Variants in SPECC1L observed in about 807,000 individuals in gnomAD.
SPECC1L encodes sperm antigen with calponin homology and coiled-coil domains 1 like.
SPECC1L carries 40 observed loss-of-function variants against 116.8 expected under a neutral mutation model. The observed-to-expected ratio is 0.34, with a 90% CI of 0.27 to 0.45. The LOEUF (loss-of-function observed/expected upper bound fraction) is 0.45. Among genes scored for constraint, SPECC1L ranks in the 20% least tolerant of loss-of-function variants. The pLI, the probability that SPECC1L is intolerant of heterozygous loss-of-function variation, is 1.00. For synonymous variants in SPECC1L, 504 were observed against 500.6 expected, an observed-to-expected ratio of 1.01 and a Z score of -0.09; for missense variants, 1,110 against 1,373.6, an observed-to-expected ratio of 0.81 and a Z score of 3.03.
chr22:24,412,799 G>T, intron 16 of SPECC1L, 92 bp downstream of exon 16: 5 of 1,416,354 alleles, frequency 3.5e-6, no homozygotes, highest in Non-Finnish European at 5.0e-6. Context: ...GTGGGCATGG[G>T]GTAGTGTGGC....
At chr22:24,368,486 G>T (rs151201404) in intron 13 of SPECC1L, among the ~76,000 whole-genome samples, 2 of 152,304 alleles carry the variant, frequency 1.3e-5, no homozygotes, top group East Asian at 3.9e-4. Flanking sequence ...TATTGTTCAT[G>T]TTTATTGCCA....
intron 4 of SPECC1L, among the ~76,000 whole-genome samples, chr22:24,317,637 G>A (rs1289959231): frequency 2.6e-5 from 4 of 151,508 alleles, no homozygotes; most frequent in Non-Finnish European, 5.9e-5. Context: ...CCTCCCGGAC[G>A]GGGCGGCTGG....
chr22:24,404,889 T>TGTGGCC (rs1277040187), intron 14 of SPECC1L, among the ~76,000 whole-genome samples: 1 of 152,208 alleles, frequency 6.6e-6, no homozygotes, highest in Non-Finnish European at 1.5e-5. Context: ...TCCCTAGATG[T>TGTGGCC]GTGGCCATGG....
chr22:24,309,494 G>A (rs1419374685), intron 3 of SPECC1L, among the ~76,000 whole-genome samples: 4 of 152,004 alleles, frequency 2.6e-5, no homozygotes, highest in African/African-American at 9.7e-5. Context: ...TCCGTCTCCC[G>A]GGTTCAAGTG....
At chr22:24,274,002 C>T (rs2048782795) in intron 1 of SPECC1L, among the ~76,000 whole-genome samples, 1 of 152,226 alleles carries the variant, frequency 6.6e-6, no homozygotes, top group African/African-American at 2.4e-5. Context: ...AGGTGATCCG[C>T]CTGCCTTGGC....
chr22:24,294,233 TG>T (rs1418351206), intron 2 of SPECC1L, among the ~76,000 whole-genome samples: 1 of 124,268 alleles, frequency 8.0e-6, no homozygotes, highest in African/African-American at 3.2e-5. Context: ...GGGATCTTTC[TG>T]CTTCCATTGT....
chr22:24,412,445 A>G, intron 15 of SPECC1L: 1 of 645,362 alleles, frequency 1.5e-6, no homozygotes, highest in Non-Finnish European at 2.8e-6. Context: ...TCACTGCAGC[A>G]GGTCAGGAGG....
Position 24,294,658 on chromosome 22 carries a change from G to C in SPECC1L, c.-37-7537G>C, listed in dbSNP as rs369826839. The stretch of plus-strand genomic sequence containing the variant: ...TCGGCCTCCCAAAGTGCTGGGATTA[G>C]AGGCATGAGCCACTGGGGCCGGCCT... On this transcript the variant is annotated intron_variant, in intron 2 of 16. Transcript: ENST00000314328. 1.4e-3 allele frequency among the ~76,000 whole-genome samples: 216 copies of C among 152,074 alleles called. 4 individuals carry two copies. The East Asian group carries it at 0.034, about 24-fold the overall frequency.
At chr22:24,344,592 C>CAAAAAAAAA (rs35725042) in intron 10 of SPECC1L, among the ~76,000 whole-genome samples, 8 of 117,910 alleles carry the variant, frequency 6.8e-5, no homozygotes, top group Non-Finnish European at 9.1e-5. Flanking sequence ...TGCATAAGAC[C>CAAAAAAAAA]AAAAAAAAAA....
intron 10 of SPECC1L, among the ~76,000 whole-genome samples, chr22:24,339,361 G>A (rs1166933281): frequency 6.6e-6 from 1 of 152,226 alleles, no homozygotes; most frequent in Non-Finnish European, 1.5e-5. Context: ...CATGAATTCA[G>A]AGAAGCATGA....
chr22:24,339,048 C>T (rs1030438039), intron 10 of SPECC1L, among the ~76,000 whole-genome samples: 1 of 152,214 alleles, frequency 6.6e-6, no homozygotes. Context: ...TTTCACATTT[C>T]TCTGAGTTGA....
chr22:24,283,272 G>C (rs204716), intron 2 of SPECC1L, among the ~76,000 whole-genome samples: 2,003 of 151,272 alleles, frequency 0.013, 23 homozygotes, highest in Middle Eastern at 0.024. Flanking sequence ...TAGATATGGG[G>C]TTTCACCGTG....
intron 2 of SPECC1L, among the ~76,000 whole-genome samples, chr22:24,285,608 T>A (rs1292709264): frequency 1.3e-5 from 2 of 152,096 alleles, no homozygotes; most frequent in Admixed American, 6.6e-5. Flanking sequence ...TTAAGTGTTA[T>A]GATCTAAAAC....
chr22:24,324,578 C>T lies in SPECC1L; in HGVS notation c.2146+151C>T. ...GTTCAAAACCGAACCAGGCTGGGCA[C>T]AGTGGCTCACACCTGTAATCCCAGC... On this transcript the variant is annotated intron_variant, in intron 6 of 16. Coordinates refer to ENST00000314328, the MANE Select transcript of SPECC1L (RefSeq NM_015330.6). The T allele has an allele frequency of 5.6e-6, 4 of 710,740 alleles. No individual in the cohort carries two copies. In the South Asian group the frequency reaches 6.6e-5, roughly 12 times the overall value. The allele number at this position is 710,740 out of a possible 1,614,324, so 44.0% of individuals were successfully genotyped here. A position where few individuals can be genotyped will look rare whatever the true frequency, so the allele number is the denominator to read the frequency against.
chr22:24,294,948 A>G (rs910016263), intron 2 of SPECC1L, among the ~76,000 whole-genome samples: 2 of 152,202 alleles, frequency 1.3e-5, no homozygotes, highest in African/African-American at 2.4e-5. Flanking sequence ...TAAAGAGTCT[A>G]TGAGTTGATT....
intron 2 of SPECC1L, among the ~76,000 whole-genome samples, chr22:24,290,165 TCTTAA>T (rs1314262608): frequency 6.6e-6 from 1 of 152,246 alleles, no homozygotes; most frequent in Non-Finnish European, 1.5e-5. Flanking sequence ...CTTGAGACTT[TCTTAA>T]CTGGTTGGAC....
At chr22:24,333,468 C>T (rs1205113678) in intron 8 of SPECC1L, among the ~76,000 whole-genome samples, 3 of 151,596 alleles carry the variant, frequency 2.0e-5, no homozygotes, top group Non-Finnish European at 4.4e-5. Context: ...TAGAATGGGC[C>T]AGAAATGAAA....
chr22:24,298,985 G>A (rs1358410521), intron 2 of SPECC1L, among the ~76,000 whole-genome samples: 1 of 152,086 alleles, frequency 6.6e-6, no homozygotes, highest in African/African-American at 2.4e-5. Flanking sequence ...TCACATTATT[G>A]ATAGCATTCA....
chr22:24,319,902 A>C (rs931546409), intron 4 of SPECC1L, among the ~76,000 whole-genome samples: 2 of 152,218 alleles, frequency 1.3e-5, no homozygotes, highest in African/African-American at 4.8e-5. Context: ...TTTAACATAA[A>C]AATTTGTTAT....
Sources: gnomAD v4.1 joint callset for allele counts (sites outside exome capture counted in the v4.1 genomes callset) on GRCh38, gnomAD v4.1.1 for gene constraint, MANE v1.5 for transcripts, NCBI Gene and HGNC (gene_info 2026-07-23, HGNC 2026-07-21) for gene names.